The following STK26 variants were observed in gnomAD, a reference collection of about 807,000 sequenced individuals.
STK26 encodes the protein serine/threonine-protein kinase 26.
STK26 carries 14 observed loss-of-function variants against 34.7 expected under a neutral mutation model. That is an observed-to-expected ratio of 0.40 (90% CI 0.27 to 0.63). The LOEUF (loss-of-function observed/expected upper bound fraction) is 0.63. STK26 is among the 30% of genes least tolerant of loss of function. The pLI, the probability that STK26 is intolerant of heterozygous loss-of-function variation, is 0.38. For missense variants in STK26, 226 were observed against 309.1 expected, an observed-to-expected ratio of 0.73 and a Z score of 2.02; for synonymous variants, 100 against 109.8, an observed-to-expected ratio of 0.91 and a Z score of 0.56.
chrX:132,053,941 A>G (rs1926771239), intron 2 of STK26, among the ~76,000 whole-genome samples: 1 of 112,361 alleles, frequency 8.9e-6, no homozygotes, highest in Admixed American at 9.4e-5. Flanking sequence ...TCCAGATTTT[A>G]TTGTAGTGAA....
At chrX:132,039,632 A>G (rs1284938557) in intron 2 of STK26, among the ~76,000 whole-genome samples, 1 of 111,941 alleles carries the variant, frequency 8.9e-6, no homozygotes, top group African/African-American at 3.2e-5. Context: ...TTTGATGTAA[A>G]TAATTTTTAA....
At chrX:132,036,684 A>G (rs779976291) in intron 2 of STK26, among the ~76,000 whole-genome samples, 12 of 111,929 alleles carry the variant, frequency 1.1e-4, no homozygotes, top group African/African-American at 3.9e-4. Flanking sequence ...ATTTATTTGG[A>G]TGTAAGAATG....
chrX:132,056,049 A>T (rs1164246449), intron 3 of STK26, among the ~76,000 whole-genome samples: 1 of 111,980 alleles, frequency 8.9e-6, no homozygotes, highest in Admixed American at 9.5e-5. Context: ...TTGTTCATTT[A>T]TTGTTTTCCT....
At chrX:132,068,345 A>G (rs752268319) in intron 5 of STK26, 22 bp downstream of exon 5, 7 of 1,193,857 alleles carry the variant, frequency 5.9e-6, no homozygotes, top group Middle Eastern at 2.3e-4. Context: ...TCTAATATGA[A>G]CCTGAGAAAA....
chrX:132,057,133 G>A (rs1320030490), intron 3 of STK26, among the ~76,000 whole-genome samples: 5 of 112,404 alleles, frequency 4.4e-5, no homozygotes, highest in Non-Finnish European at 1.9e-5. Context: ...GGGCACTAGT[G>A]GAGTGGCCAT....
At chrX:132,069,332 T>C (rs1927321972) in intron 6 of STK26, 146 bp from the exon 7 acceptor site, 1 of 141,313 alleles carries the variant, frequency 7.1e-6, no homozygotes, top group Admixed American at 9.6e-5. Flanking sequence ...AGACAAGTAC[T>C]GTATAGCCAT....
At chrX:132,033,207 A>G (rs193065127) in intron 2 of STK26, among the ~76,000 whole-genome samples, 20 of 111,280 alleles carry the variant, frequency 1.8e-4, no homozygotes, top group Non-Finnish European at 3.0e-4. Flanking sequence ...TAGAAACCAT[A>G]AAGTCAGAAT....
At position 132,074,293 on chromosome X, in the gene STK26, T is replaced by C; in HGVS notation, c.*134T>C. On this transcript the variant is annotated 3_prime_UTR_variant, in exon 12 of 12. Transcript: ENST00000394334. ...GCAACACTGAAGATTTGGAAGAAGCTATTAAACTATTTTGTGATGGCGTTT... is the reference window on the plus strand; with the variant it reads ...GCAACACTGAAGATTTGGAAGAAGCCATTAAACTATTTTGTGATGGCGTTT... The C allele has an allele frequency of 1.7e-6, 1 of 572,497 alleles. No homozygotes were observed. Among genetic ancestry groups the C allele is most frequent in the South Asian group, 5.1e-5 (1 of 19,632 alleles). The allele number at this position is 572,497 out of a possible 1,213,427, so 47.2% of individuals were successfully genotyped here.
intron 2 of STK26, among the ~76,000 whole-genome samples, chrX:132,028,670 GT>G (rs1487155288): frequency 3.6e-5 from 4 of 110,423 alleles, no homozygotes; most frequent in Non-Finnish European, 5.7e-5. Context: ...AAAAGTAAGG[GT>G]TGTAAGAAAA....
intron 2 of STK26, among the ~76,000 whole-genome samples, chrX:132,029,587 T>A (rs1426011931): frequency 9.0e-6 from 1 of 110,609 alleles, no homozygotes. Context: ...AGCCCTCTGC[T>A]CAGCTTTCCA....
chrX:132,036,479 C>CA (rs1926054772), intron 2 of STK26, among the ~76,000 whole-genome samples: 1 of 111,417 alleles, frequency 9.0e-6, no homozygotes, highest in Non-Finnish European at 1.9e-5. Flanking sequence ...CCTATAATCC[C>CA]AGCTGCTCAT....
chrX:132,054,642 TGATCCA>T lies in STK26; in HGVS notation c.57_62del (p.Asp19_Pro20del). 3 of 1,209,514 alleles carry T rather than the reference TGATCCA, an allele frequency of 2.5e-6. No individual in the cohort carries two copies. The highest frequency in any genetic ancestry group is 2.2e-6 in the Non-Finnish European group (2 of 893,951). ...CCCACTCCCTTCAGAATAACATAGCTGATCCAGAAGAACTGTTCACAAAATTAGAGC... is the reference window on the plus strand; with the variant it reads ...CCCACTCCCTTCAGAATAACATAGCTGAAGAACTGTTCACAAAATTAGAGC... On this transcript the variant is annotated inframe_deletion, in exon 3 of 12. Coordinates refer to ENST00000394334, the MANE Select transcript of STK26 (RefSeq NM_016542.4).
intron 2 of STK26, among the ~76,000 whole-genome samples, chrX:132,053,832 A>G (rs1372468867): frequency 8.9e-6 from 1 of 112,213 alleles, no homozygotes. Context: ...AAAATTGTAT[A>G]TTATAAGATA....
intron 2 of STK26, among the ~76,000 whole-genome samples, chrX:132,038,239 T>A (rs1426193430): frequency 1.8e-5 from 2 of 111,740 alleles, no homozygotes; most frequent in African/African-American, 6.5e-5. Flanking sequence ...CTTTCTGTAT[T>A]TTTTTAGAAT....
chrX:132,041,993 A>G (rs1157266206), intron 2 of STK26, among the ~76,000 whole-genome samples: 1 of 112,133 alleles, frequency 8.9e-6, no homozygotes, highest in East Asian at 2.8e-4. Context: ...ATTAGTAGAT[A>G]TCTCATAATT....
chrX:132,063,356 T>C, intron 3 of STK26, 77 bp from the exon 4 acceptor site: 1 of 865,600 alleles, frequency 1.2e-6, no homozygotes, highest in Non-Finnish European at 1.7e-6. Context: ...TGCTTTAGTA[T>C]GTGAGATTTA....
chrX:132,065,966 A>G (rs1477118935), intron 4 of STK26, among the ~76,000 whole-genome samples: 1 of 111,792 alleles, frequency 8.9e-6, no homozygotes, highest in Admixed American at 9.5e-5. Flanking sequence ...GGGGAATCTA[A>G]GACAGGATTA....
chrX:132,060,597 TTTTTTTTGTTTTG>T (rs1927016882), intron 3 of STK26, among the ~76,000 whole-genome samples: 1 of 110,248 alleles, frequency 9.1e-6, no homozygotes, highest in Non-Finnish European at 1.9e-5. Flanking sequence ...TTGGGTGGTT[TTTTTTTTGTTTTG>T]TTTTTTTGTT....
chrX:132,023,644 A>T lies in STK26; in HGVS notation c.27A>T (p.Gln9His), dbSNP rs369364323. The T allele has an allele frequency of 5.9e-6, 7 of 1,180,077 alleles. No homozygotes were observed. In the East Asian group the frequency reaches 9.4e-5, roughly 16 times the overall value. The stretch of plus-strand genomic sequence containing the variant: ...TGGCCCACTCGCCGGTGGCTGTCCA[A>T]GTGCCTGGGATGCAGGTGAGGAAGC... MAHSPVAV[Q>H]VPGMQNNIAD... Residue 9 changes from glutamine to histidine, a missense_variant, in exon 2 of 12, where the codon CAA becomes CAT. Gln to His is a conservative substitution (Grantham distance 24). Around this residue, in one of 2 missense-constraint regions of STK26, gnomAD observed 100 missense variants for 176.7 expected, o/e 0.57. Transcript: ENST00000394334.
Sources: allele counts gnomAD v4.1 joint callset (sites outside exome capture counted in the v4.1 genomes callset), GRCh38; gene constraint gnomAD v4.1.1; regional missense constraint gnomAD v4.1.1; transcripts MANE v1.5; gene names NCBI Gene and HGNC (gene_info 2026-07-23, HGNC 2026-07-21).